REM1: variants seen among roughly 807,000 people sequenced by gnomAD.
REM1 encodes GTP-binding protein REM 1.
A neutral mutation model predicts 27.0 loss-of-function variants in REM1; 20 were observed. That is an observed-to-expected ratio of 0.74 (90% confidence interval 0.52 to 1.08). REM1 has a LOEUF of 1.08. REM1 is among the 50% of genes least tolerant of loss of function. REM1 has a pLI of 0.00. For missense variants in REM1, 405 were observed against 407.0 expected (o/e 1.00, Z 0.04); for synonymous variants, 159 against 167.9 (o/e 0.95, Z 0.41).
chr20:31,480,242 CATACACACATACAT>C (rs1980680392), intron 3 of REM1, among the ~76,000 whole-genome samples: 2 of 53,790 alleles, frequency 3.7e-5, no homozygotes, highest in Non-Finnish European at 6.4e-5. Flanking sequence ...CAGATACATA[CATACACACATACAT>C]ACATACATAC....
At chr20:31,477,250 C>T (rs1223999988) in intron 2 of REM1, among the ~76,000 whole-genome samples, 1 of 151,960 alleles carries the variant, frequency 6.6e-6, no homozygotes, top group African/African-American at 2.4e-5. Flanking sequence ...AAGTTCTGGG[C>T]CCTGGGTTGC....
intron 3 of REM1, among the ~76,000 whole-genome samples, chr20:31,478,879 G>A (rs1249349780): frequency 6.6e-6 from 1 of 150,422 alleles, no homozygotes; most frequent in Non-Finnish European, 1.5e-5. Context: ...TTGTTGCCCA[G>A]GCTGGAGCGC....
At chr20:31,481,986 GCAGGAA>G (rs1291717868) in intron 3 of REM1, among the ~76,000 whole-genome samples, 1 of 152,196 alleles carries the variant, frequency 6.6e-6, no homozygotes, top group Non-Finnish European at 1.5e-5. Context: ...ACCCTCTTTA[GCAGGAA>G]CAGGAACCAA....
chr20:31,480,228 TAGAC>T (rs1288701791), intron 3 of REM1, among the ~76,000 whole-genome samples: 1 of 121,150 alleles, frequency 8.3e-6, no homozygotes, highest in South Asian at 2.5e-4. Flanking sequence ...GATAGATAGA[TAGAC>T]AGATACATAC....
At chr20:31,476,897 A>C in intron 2 of REM1, 112 bp downstream of exon 2, 1 of 874,556 alleles carries the variant, frequency 1.1e-6, no homozygotes, top group South Asian at 1.8e-5. Context: ...TTCAACTCTA[A>C]GGGGCATCAT....
rs1568760765 is a variant in REM1 at position 31,476,437 on chromosome 20, C to T, written c.-9C>T. On this transcript the variant is annotated 5_prime_UTR_variant, in exon 2 of 5. Coordinates refer to ENST00000201979, the MANE Select transcript of REM1 (RefSeq NM_014012.6). ...AAAGAAGGAAGAAGCAAACCCCCCC[C>T]TACCAAAGATGACACTCAACACCGA... 1.3e-6 allele frequency: 2 copies of T among 1,549,186 alleles called. No individual in the cohort carries two copies. The highest frequency in any genetic ancestry group is 1.7e-6 in the Non-Finnish European group (2 of 1,150,130).
chr20:31,477,862 A>C lies in REM1; in HGVS notation c.375A>C (p.Gly125=), dbSNP rs773417820. The C allele has an allele frequency of 1.5e-5, 25 of 1,612,954 alleles. No individual in the cohort carries two copies. The highest frequency in any genetic ancestry group is 2.1e-5 in the Non-Finnish European group (25 of 1,179,768). ...ATGAGAGGACCCTCACGGTGGATGG[A>C]GAAGACACCACACTGGTGGTCGTGG... The part of the protein sequence containing the change: ...DVYERTLTVD[G]EDTTLVVVDT... Residue 125 remains glycine, a synonymous_variant, in exon 3 of 5, where the codon GGA becomes GGC. Transcript: ENST00000201979.
At position 31,484,824 on chromosome 20, in the gene REM1, A is replaced by G. The variant is rs1417430566; in HGVS notation, c.*394A>G. ...GTCTCCACCTACTGCCCTCCCATCT[A>G]CACTTGACTGTAGACTGGTCTGGCC... is the stretch of plus-strand genomic sequence containing the variant. On this transcript the variant is annotated 3_prime_UTR_variant, in exon 5 of 5. Coordinates refer to ENST00000201979, the MANE Select transcript of REM1 (RefSeq NM_014012.6). 5.0e-6 allele frequency: 1 copy of G among 201,682 alleles called. No individual in the cohort carries two copies. Among genetic ancestry groups the G allele is most frequent in the East Asian group, 1.3e-4 (1 of 7,954 alleles). 12.5% of individuals were successfully genotyped at this position (201,682 alleles called of 1,614,324 possible).
chr20:31,484,173 G>C lies in REM1; in HGVS notation c.640G>C (p.Ala214Pro). 6.3e-7 allele frequency: 1 copy of C among 1,598,272 alleles called. No homozygotes were observed. The highest frequency in any genetic ancestry group is 8.5e-7 in the Non-Finnish European group (1 of 1,171,512). ...EVSVEEGRAC[A>P]VVFDCKFIET... ...CGCCCCCTTAGAGGGCCGCGCCTGC[G>C]CTGTGGTGTTCGACTGTAAATTCAT... is the stretch of plus-strand genomic sequence containing the variant. Residue 214 changes from alanine (A) to proline (P), a missense_variant, in exon 5 of 5, where the codon GCT (alanine) becomes CCT (proline). Coordinates refer to ENST00000201979, the MANE Select transcript of REM1 (RefSeq NM_014012.6).
At chr20:31,476,827 C>T (rs1011286417) in intron 2 of REM1, 42 bp downstream of exon 2, 5 of 1,514,420 alleles carry the variant, frequency 3.3e-6, no homozygotes, top group South Asian at 1.3e-5. Context: ...GCCAAAGGAG[C>T]GAAAGCCCTG....
chr20:31,476,835 C>CTG, intron 2 of REM1, 50 bp downstream of exon 2: 1 of 1,478,944 alleles, frequency 6.8e-7, no homozygotes, highest in Non-Finnish European at 9.1e-7. Context: ...AGCGAAAGCC[C>CTG]TGTCACCAGG....
chr20:31,482,524 G>T (rs1025270224), intron 4 of REM1, 36 bp downstream of exon 4: 4 of 1,596,248 alleles, frequency 2.5e-6, no homozygotes, highest in Middle Eastern at 1.8e-4. Flanking sequence ...TCTTCACCTG[G>T]GCCCCACTGT....
rs1980507717 is a variant in REM1, at chr20:31,476,500, A to ACTGT, written c.56_57insTGTC (p.Pro20ValfsTer47). On this transcript the variant is annotated frameshift_variant, in exon 2 of 5. Transcript: ENST00000201979. LOFTEE classifies it high-confidence loss of function. ...GACCCCTCTGCACCGGCGAGCCAGCACCCCACTGCCCCTGTCCCCACGGGG... is the reference window on the plus strand; with the variant it reads ...GACCCCTCTGCACCGGCGAGCCAGCACTGTCCCCACTGCCCCTGTCCCCACGGGG... The ACTGT allele has an allele frequency of 6.2e-7, 1 of 1,612,844 alleles. No homozygotes were observed. The highest frequency in any genetic ancestry group is 1.3e-5 in the African/African-American group (1 of 74,768).
rs540093943 is a variant in REM1, at chr20:31,484,261, T to C, written c.728T>C (p.Leu243Pro). ...AELFEGVVRQ[L>P]RLRRRDSAAK... ...CTCTTCGAGGGCGTGGTGCGCCAAC[T>C]GCGCTTGCGCCGCCGGGACAGTGCG... The change falls in exon 5 of 5, where the codon CTG (leucine) becomes CCG (proline). Residue 243 changes from leucine to proline, a missense_variant. Coordinates refer to ENST00000201979, the MANE Select transcript of REM1 (RefSeq NM_014012.6). 5.1e-5 allele frequency: 82 copies of C among 1,600,056 alleles called. No homozygotes were observed. Among genetic ancestry groups the C allele is most frequent in the Non-Finnish European group, 6.9e-5 (81 of 1,174,602 alleles).
chr20:31,478,102 TCTCA>T (rs1980590234), intron 3 of REM1, among the ~76,000 whole-genome samples, 192 bp downstream of exon 3: 1 of 151,908 alleles, frequency 6.6e-6, no homozygotes, highest in Admixed American at 6.6e-5. Flanking sequence ...TGACCCCTTT[TCTCA>T]CTCCACAATC....
At chr20:31,484,091 C>T (rs1315662088) in intron 4 of REM1, 68 bp from the exon 5 acceptor site, 3 of 1,467,028 alleles carry the variant, frequency 2.0e-6, no homozygotes, top group African/African-American at 1.4e-5. Flanking sequence ...CTAAACACAT[C>T]TCTTCCTACC....
intron 4 of REM1, among the ~76,000 whole-genome samples, chr20:31,483,049 C>T (rs1980788082): frequency 6.6e-6 from 1 of 152,144 alleles, no homozygotes; most frequent in African/African-American, 2.4e-5. Flanking sequence ...CCTGTAATCC[C>T]AGCACTTTGG....
chr20:31,476,695 G>A lies in REM1; in HGVS notation c.250G>A (p.Val84Met), dbSNP rs745733174. The A allele has an allele frequency of 6.2e-7, 1 of 1,614,136 alleles. No individual in the cohort carries two copies. Among genetic ancestry groups the A allele is most frequent in the East Asian group, 2.2e-5 (1 of 44,878 alleles). ...CTCCTGGGAGGCTCTCTACCGTGTG[G>A]TGCTACTTGGAGATCCTGGAGTGGG... Reference protein sequence around the residue: ...EGSWEALYRVVLLGDPGVGKT... With the variant: ...EGSWEALYRVMLLGDPGVGKT... Residue 84 changes from valine (V) to methionine (M), a missense_variant, in exon 2 of 5, where the codon GTG becomes ATG. Physicochemically the swap from Val to Met is conservative, Grantham distance 21 (BLOSUM62 1). Transcript: ENST00000201979.
chr20:31,480,928 A>C (rs1980708395), intron 3 of REM1, among the ~76,000 whole-genome samples: 1 of 152,186 alleles, frequency 6.6e-6, no homozygotes, highest in South Asian at 2.1e-4. Context: ...ATTGACCACG[A>C]ATCTGATGCT....
Sources: allele counts gnomAD v4.1 joint callset (sites outside exome capture counted in the v4.1 genomes callset), GRCh38; gene constraint gnomAD v4.1.1; transcripts MANE v1.5; gene names NCBI Gene and HGNC (gene_info 2026-07-23, HGNC 2026-07-21).